SOCS2: variants seen among roughly 807,000 people sequenced by gnomAD.
SOCS2 encodes the protein CIS-2.
SOCS2 carries 10 observed loss-of-function variants against 18.6 expected under a neutral mutation model. The observed-to-expected ratio is 0.54, with a 90% CI of 0.33 to 0.91. The LOEUF is 0.91. Ranked by LOEUF, SOCS2 falls within the 40% of genes least tolerant of loss-of-function variation. SOCS2 has a pLI of 0.02. For missense variants in SOCS2, 231 were observed against 247.2 expected (o/e 0.93, Z 0.44); for synonymous variants, 104 against 104.0 (o/e 1.00, Z 0.00).
chr12:93,579,919 A>C (rs956377910), downstream of SOCS2, among the ~76,000 whole-genome samples: 1 of 152,020 alleles, frequency 6.6e-6, no homozygotes. Context: ...TTTACAGACA[A>C]CTCTCACTTT....
chr12:93,612,897 C>G, the SOCS2 span, among the ~76,000 whole-genome samples: 11 of 152,308 alleles, frequency 7.2e-5, 1 homozygote, highest in Admixed American at 3.3e-4. Flanking sequence ...ATTTCCTTCC[C>G]TTTTCCCTTT....
chr12:93,625,332 T>C, the SOCS2 span, among the ~76,000 whole-genome samples: 29 of 152,352 alleles, frequency 1.9e-4, no homozygotes, highest in African/African-American at 6.5e-4. Flanking sequence ...GTGCATGTCT[T>C]CACTTGTTTT....
the SOCS2 span, among the ~76,000 whole-genome samples, chr12:93,614,919 T>A: frequency 1.3e-5 from 2 of 150,414 alleles, no homozygotes; most frequent in Admixed American, 6.6e-5. Flanking sequence ...CGGCGCCTTG[T>A]ATGTAGCAAT....
chr12:93,578,665 G>T (rs1317525303), downstream of SOCS2, among the ~76,000 whole-genome samples: 1 of 148,040 alleles, frequency 6.8e-6, no homozygotes, highest in Non-Finnish European at 1.5e-5. Flanking sequence ...CAGAGGGGCT[G>T]GGAGATTTGC....
At chr12:93,611,351 C>T in the SOCS2 span, among the ~76,000 whole-genome samples, 1 of 152,294 alleles carries the variant, frequency 6.6e-6, no homozygotes, top group Middle Eastern at 3.4e-3. Flanking sequence ...GATTCTCCTG[C>T]CTTAGCCTCC....
rs780455580 is a variant in SOCS2 at position 93,575,007 on chromosome 12, C to T, written c.425C>T (p.Ala142Val). ...AAGGATAAGCGGACAGGTCCAGAAG[C>T]CCCCCGGAACGGCACTGTTCACCTT... ...MCKDKRTGPE[A>V]PRNGTVHLYL... Residue 142 changes from alanine to valine, a missense_variant, in exon 2 of 2, where the codon GCC (alanine) becomes GTC (valine). Physicochemically the swap from Ala to Val is moderately conservative, Grantham distance 64 (BLOSUM62 0). Coordinates refer to ENST00000551556, the MANE Select transcript of SOCS2 (RefSeq NM_001270471.2). 1.2e-6 allele frequency: 2 copies of T among 1,613,876 alleles called. No individual in the cohort carries two copies. The highest frequency in any genetic ancestry group is 2.2e-5 in the East Asian group (1 of 44,882).
downstream of SOCS2, among the ~76,000 whole-genome samples, chr12:93,585,812 G>A (rs149758493): frequency 2.5e-4 from 38 of 152,046 alleles, no homozygotes; most frequent in African/African-American, 7.7e-4. Flanking sequence ...CAGGACTCCC[G>A]CCCCTGCCCC....
downstream of SOCS2, among the ~76,000 whole-genome samples, chr12:93,581,656 T>C (rs1954542047): frequency 6.6e-6 from 1 of 152,156 alleles, no homozygotes; most frequent in South Asian, 2.1e-4. Context: ...ATTTATCTCA[T>C]TAGTTTTCTC....
At chr12:93,571,131 C>A (rs1432536667), upstream of SOCS2, 1 of 153,834 alleles carries the variant, frequency 6.5e-6, no homozygotes, top group Non-Finnish European at 1.5e-5. Context: ...CCACCCTCAC[C>A]GCGTGGCCCG....
chr12:93,596,520 C>T, the SOCS2 span, among the ~76,000 whole-genome samples: 1 of 152,142 alleles, frequency 6.6e-6, no homozygotes, highest in African/African-American at 2.4e-5. Context: ...CATTTGATCT[C>T]TTGAATGTTC....
chr12:93,618,423 C>T, the SOCS2 span, among the ~76,000 whole-genome samples: 12 of 152,266 alleles, frequency 7.9e-5, no homozygotes, highest in East Asian at 2.3e-3. Context: ...TCGAAGACTT[C>T]CTGACACTCT....
chr12:93,613,245 G>T, the SOCS2 span, among the ~76,000 whole-genome samples: 1 of 152,146 alleles, frequency 6.6e-6, no homozygotes, highest in Non-Finnish European at 1.5e-5. Flanking sequence ...ATAGAAAAAA[G>T]GGAGAACTCA....
At chr12:93,625,745 CAAA>C in the SOCS2 span, among the ~76,000 whole-genome samples, 5 of 62,482 alleles carry the variant, frequency 8.0e-5, no homozygotes, top group Admixed American at 1.6e-4. Flanking sequence ...GAGACCATCT[CAAA>C]AAAAAAAAAA....
In SOCS2 at chr12:93,572,837, G is replaced by T. The variant is rs538768287; in HGVS notation, c.-61G>T. 6.4e-7 allele frequency: 1 copy of T among 1,552,044 alleles called. No homozygotes were observed. Among genetic ancestry groups the T allele is most frequent in the Non-Finnish European group, 8.7e-7 (1 of 1,147,332 alleles). ...TCGCACTGACTTCAAGGAAGGACGCGAACCCTTCTCTGACCCCAGCTCGGG... is the reference window on the plus strand; with the variant it reads ...TCGCACTGACTTCAAGGAAGGACGCTAACCCTTCTCTGACCCCAGCTCGGG... On this transcript the variant is annotated 5_prime_UTR_variant, in exon 1 of 2. Coordinates refer to ENST00000551556, the MANE Select transcript of SOCS2 (RefSeq NM_001270471.2). The surrounding 1 kb of genome is among the most constrained non-coding windows in gnomAD (Gnocchi z 5.0).
the SOCS2 span, among the ~76,000 whole-genome samples, chr12:93,624,071 T>A: frequency 4.6e-5 from 7 of 152,144 alleles, no homozygotes; most frequent in Admixed American, 4.6e-4. Context: ...AATTAAGTCA[T>A]GAGAGTGAAA....
chr12:93,593,093 C>T, the SOCS2 span, among the ~76,000 whole-genome samples: 1 of 152,046 alleles, frequency 6.6e-6, no homozygotes, highest in African/African-American at 2.4e-5. Context: ...CTTTTCATAC[C>T]AGTTATCCTC....
At chr12:93,581,610 T>C (rs918129840), downstream of SOCS2, among the ~76,000 whole-genome samples, 1 of 152,192 alleles carries the variant, frequency 6.6e-6, no homozygotes, top group African/African-American at 2.4e-5. Context: ...TCAGCTCTAA[T>C]AGATCAGGGC....
the SOCS2 span, among the ~76,000 whole-genome samples, chr12:93,610,689 CTT>C: frequency 6.6e-6 from 1 of 152,110 alleles, no homozygotes; most frequent in Non-Finnish European, 1.5e-5. Context: ...CCTGCCATCT[CTT>C]TTGCCATGTG....
chr12:93,587,542 G>A (rs974142509), downstream of SOCS2, among the ~76,000 whole-genome samples: 1 of 151,986 alleles, frequency 6.6e-6, no homozygotes, highest in African/African-American at 2.4e-5. Context: ...GTAGCCGGGC[G>A]TGGTGGCACG....
Sources: gnomAD v4.1 joint callset for allele counts (sites outside exome capture counted in the v4.1 genomes callset) on GRCh38, gnomAD v4.1.1 for gene constraint, Gnocchi (gnomAD v3.1) non-coding constraint, MANE v1.5 for transcripts, NCBI Gene and HGNC (gene_info 2026-07-23, HGNC 2026-07-21) for gene names.